TAP1: variants seen among roughly 807,000 people sequenced by gnomAD.
TAP1 encodes the protein antigen peptide transporter 1.
Under a neutral mutation model 79.3 loss-of-function variants are expected in TAP1, and 56 were observed. The ratio of observed to expected loss-of-function variants is 0.71; its 90% confidence interval spans 0.57 to 0.88. The LOEUF (loss-of-function observed/expected upper bound fraction) is 0.88. TAP1 is among the 40% of genes least tolerant of loss of function. The pLI, the probability that TAP1 is intolerant of heterozygous loss-of-function variation, is 0.00. For missense variants in TAP1, 737 were observed against 936.3 expected (o/e 0.79, Z 2.78); for synonymous variants, 355 against 401.4 (o/e 0.88, Z 1.38).
Position 32,848,692 on chromosome 6 carries a change from G to A in TAP1, c.1526C>T (p.Ser509Phe). The A allele has an allele frequency of 6.2e-7, 1 of 1,614,148 alleles. No homozygotes were observed. The highest frequency in any genetic ancestry group is 1.1e-5 in the South Asian group (1 of 91,082). ...ATCTGGGCGGTTTGGGTAGGCAAAGGAGACATCTTGGAACTGGACAAGGCC... is the reference window on the plus strand; with the variant it reads ...ATCTGGGCGGTTTGGGTAGGCAAAGAAGACATCTTGGAACTGGACAAGGCC... Reference protein sequence around the residue: ...LEGLVQFQDVSFAYPNRPDVL... With the variant: ...LEGLVQFQDVFFAYPNRPDVL... The change falls in exon 7 of 11, where the codon TCC (serine) becomes TTC (phenylalanine). Residue 509 changes from serine (S) to phenylalanine (F), a missense_variant. Ser to Phe is a radical substitution (Grantham distance 155). This residue lies in a region of TAP1 where 266 missense variants were observed against 332.4 expected (regional missense o/e 0.80). Transcript: ENST00000354258.
rs754955681 is a variant in TAP1, at chr6:32,850,969, G to T, written c.1025C>A (p.Pro342His). Residue 342 changes from proline (P) to histidine (H), a missense_variant, in exon 4 of 11, where the codon CCC (proline) becomes CAC (histidine). This residue lies in a region of TAP1 where 406 missense variants were observed against 477.2 expected (regional missense o/e 0.85). Transcript: ENST00000354258. This position sits in a 1 kb window ranked among gnomAD's most constrained non-coding sequence, Gnocchi z 5.5. ...LITLPLLFLL[P>H]KKVGKWYQLL... ...CTGGTACCATTTTCCCACCTTCTTG[G>T]GCAGAAGGAAAAGCAGAGGCAGGGT... is the stretch of plus-strand genomic sequence containing the variant. 1 of 1,612,780 alleles carries T rather than the reference G, an allele frequency of 6.2e-7. No individual in the cohort carries two copies. The highest frequency in any genetic ancestry group is 8.5e-7 in the Non-Finnish European group (1 of 1,180,008).
Position 32,850,274 on chromosome 6 carries a change from G to C in TAP1, c.1248+46C>G. 1 of 1,585,878 alleles carries C rather than the reference G, an allele frequency of 6.3e-7. No individual in the cohort carries two copies. Among genetic ancestry groups the C allele is most frequent in the Non-Finnish European group, 8.7e-7 (1 of 1,154,286 alleles). ...GTCATAGGAATGGGAATGGAGTCAC[G>C]GCATCTTAAGGACAAGGGAATGGGT... On this transcript the variant is annotated intron_variant, in intron 5 of 10. Transcript: ENST00000354258. The surrounding 1 kb of genome is among the most constrained non-coding windows in gnomAD (Gnocchi z 5.5).
rs1770862232 is a variant in TAP1 at position 32,852,633 on chromosome 6, C to A, written c.599-131G>T. Reference sequence around the variant, plus strand: ...GGCATCAGCAGAAAGGAAACACTGACGTCTCAATCCCGAACCTAAATAGGC... The same window carrying A: ...GGCATCAGCAGAAAGGAAACACTGAAGTCTCAATCCCGAACCTAAATAGGC... On this transcript the variant is annotated intron_variant, in intron 1 of 10. Transcript: ENST00000354258. The surrounding 1 kb of genome is among the most constrained non-coding windows in gnomAD (Gnocchi z 4.8). The A allele has an allele frequency of 1.3e-6, 2 of 1,541,502 alleles. No individual in the cohort carries two copies. Among genetic ancestry groups the A allele is most frequent in the Admixed American group, 2.0e-5 (1 of 50,814 alleles).
In TAP1 at chr6:32,851,016, G is replaced by A. The variant is rs1770748055; in HGVS notation, c.978C>T (p.Ser326=). 1 of 1,612,928 alleles carries A rather than the reference G, an allele frequency of 6.2e-7. No homozygotes were observed. Among genetic ancestry groups the A allele is most frequent in the Non-Finnish European group, 8.5e-7 (1 of 1,179,984 alleles). The part of the protein sequence containing the change: ...LLGIMLWGSV[S]LTMVTLITLP... ...GGGTGATCAGGGTGACCATGGTGAGGGACACTGATCCCCAGAGCATGATCC... is the reference window on the plus strand; with the variant it reads ...GGGTGATCAGGGTGACCATGGTGAGAGACACTGATCCCCAGAGCATGATCC... Residue 326 remains serine (S), a synonymous_variant, in exon 4 of 11, where the codon TCC becomes TCT. Transcript: ENST00000354258. This position sits in a 1 kb window ranked among gnomAD's most constrained non-coding sequence, Gnocchi z 4.8.
At chr6:32,849,140 AG>A in intron 5 of TAP1, 22 bp from the exon 6 acceptor site, 1 of 1,565,560 alleles carries the variant, frequency 6.4e-7, no homozygotes, top group East Asian at 2.3e-5. Context: ...CCACAAAAAA[AG>A]GGACTGAGGT....
intron 6 of TAP1, 21 bp from the exon 7 acceptor site, chr6:32,848,861 T>C (rs775441996): frequency 6.2e-7 from 1 of 1,613,394 alleles, no homozygotes; most frequent in East Asian, 2.2e-5. Flanking sequence ...GTAAGAATAG[T>C]GAAAGTGAGG....
Position 32,850,870 on chromosome 6 carries a change from A to G in TAP1, c.1050+74T>C. On this transcript the variant is annotated intron_variant, in intron 4 of 10. Transcript: ENST00000354258. This position sits in a 1 kb window ranked among gnomAD's most constrained non-coding sequence, Gnocchi z 5.5. ...TGCCAGGAAAGCTGGACTGAAAGCA[A>G]TGTGAGAGGAACTGAGTCTGCCAAG... 7 of 1,333,446 alleles carry G rather than the reference A, an allele frequency of 5.2e-6. No homozygotes were observed. The highest frequency in any genetic ancestry group is 6.5e-6 in the Non-Finnish European group (6 of 927,026). 82.6% of individuals were successfully genotyped at this position (1,333,446 alleles called of 1,614,324 possible). A position where few individuals can be genotyped will look rare whatever the true frequency, so the allele number is the denominator to read the frequency against.
chr6:32,852,453 T>C lies in TAP1; in HGVS notation c.648A>G (p.Leu216=). Residue 216 remains leucine, a synonymous_variant, in exon 2 of 11, where the codon CTA becomes CTG. Transcript: ENST00000354258. This position sits in a 1 kb window ranked among gnomAD's most constrained non-coding sequence, Gnocchi z 4.8. ...TGAAGGTATCGGCTGAGCCATCTTGTAGAATCCAGTCAGTGAGGCGGCCCG... is the reference window on the plus strand; with the variant it reads ...TGAAGGTATCGGCTGAGCCATCTTGCAGAATCCAGTCAGTGAGGCGGCCCG... ...FFTGRLTDWI[L]QDGSADTFTR... is the part of the protein sequence containing the mutation. The C allele has an allele frequency of 1.2e-6, 2 of 1,612,990 alleles. No individual in the cohort carries two copies. The highest frequency in any genetic ancestry group is 1.1e-5 in the South Asian group (1 of 91,078).
chr6:32,849,175 A>G, intron 5 of TAP1, 57 bp from the exon 6 acceptor site: 1 of 1,551,704 alleles, frequency 6.4e-7, no homozygotes, highest in East Asian at 2.4e-5. Flanking sequence ...GGGGACACAA[A>G]GAACCGCAGT....
chr6:32,848,914 A>G, intron 6 of TAP1, 74 bp from the exon 7 acceptor site: 1 of 1,612,718 alleles, frequency 6.2e-7, no homozygotes, highest in Non-Finnish European at 8.5e-7. Flanking sequence ...AGGGTAAAGA[A>G]TGGAAGGACA....
intron 7 of TAP1, 57 bp from the exon 8 acceptor site, chr6:32,848,149 G>T: frequency 6.5e-7 from 1 of 1,547,266 alleles, no homozygotes; most frequent in South Asian, 1.2e-5. Context: ...CCTTGAGAGT[G>T]TCATTGCCTT....
In TAP1 at chr6:32,851,487, G is replaced by A. The variant is rs1770773935; in HGVS notation, c.845-338C>T. Among the ~76,000 whole-genome samples, 1 of 152,198 alleles carries A rather than the reference G, an allele frequency of 6.6e-6. No homozygotes were observed. The highest frequency in any genetic ancestry group is 2.1e-4 in the South Asian group (1 of 4,834). The stretch of plus-strand genomic sequence containing the variant: ...TTAAACTGGTCACATAACAGAGATG[G>A]AGGAGGAGGGTGCTGCTAGGAAGCA... On this transcript the variant is annotated intron_variant, in intron 3 of 10. Transcript: ENST00000354258. The surrounding 1 kb of genome is among the most constrained non-coding windows in gnomAD (Gnocchi z 4.8).
Position 32,851,233 on chromosome 6 carries a change from G to T in TAP1, c.845-84C>A. 1 of 1,361,710 alleles carries T rather than the reference G, an allele frequency of 7.3e-7. No individual in the cohort carries two copies. Among genetic ancestry groups the T allele is most frequent in the Non-Finnish European group, 1.0e-6 (1 of 971,106 alleles). 84.4% of individuals were successfully genotyped at this position (1,361,710 alleles called of 1,614,324 possible). ...AACTAACAATGAGCCAGGATGCCAG[G>T]GTCAGGGGTGTCAACATGGGGTTCT... On this transcript the variant is annotated intron_variant, in intron 3 of 10. Coordinates refer to ENST00000354258, the MANE Select transcript of TAP1 (RefSeq NM_000593.6). The surrounding 1 kb of genome is among the most constrained non-coding windows in gnomAD (Gnocchi z 4.8).
chr6:32,847,145 G>T lies in TAP1; in HGVS notation c.1963C>A (p.Arg655=), dbSNP rs375324960. The change falls in exon 10 of 11, where the codon CGA becomes AGA. Residue 655 remains arginine, a synonymous_variant. Transcript: ENST00000354258. The surrounding 1 kb of genome is among the most constrained non-coding windows in gnomAD (Gnocchi z 4.7). ...GGQRQAVALA[R]ALIRKPCVLI... ...ACACACGGTTTCCGGATCAATGCTCGGGCCAACGCCACTGCCTGTCGCTGA... is the reference window on the plus strand; with the variant it reads ...ACACACGGTTTCCGGATCAATGCTCTGGCCAACGCCACTGCCTGTCGCTGA... 6.2e-7 allele frequency: 1 copy of T among 1,612,836 alleles called. No homozygotes were observed. Among genetic ancestry groups the T allele is most frequent in the African/African-American group, 1.3e-5 (1 of 75,044 alleles).
In TAP1 at chr6:32,845,459, C is replaced by T. The variant is rs1770301887; in HGVS notation, c.*120G>A. On this transcript the variant is annotated 3_prime_UTR_variant, in exon 11 of 11. Coordinates refer to ENST00000354258, the MANE Select transcript of TAP1 (RefSeq NM_000593.6). This position sits in a 1 kb window ranked among gnomAD's most constrained non-coding sequence, Gnocchi z 4.5. Reference sequence around the variant, plus strand: ...CGAGGAGCTTGGAAAGGAGGTAACACACTCAAGGCAAATTTCAAGTAACTC... The same window carrying T: ...CGAGGAGCTTGGAAAGGAGGTAACATACTCAAGGCAAATTTCAAGTAACTC... 2 of 1,029,668 alleles carry T rather than the reference C, an allele frequency of 1.9e-6. No individual in the cohort carries two copies. Among genetic ancestry groups the T allele is most frequent in the Non-Finnish European group, 3.0e-6 (2 of 670,950 alleles). The allele number at this position is 1,029,668 out of a possible 1,614,324, so 63.8% of individuals were successfully genotyped here.
In TAP1 at chr6:32,848,700, T is replaced by C. The variant is rs577064548; in HGVS notation, c.1518A>G (p.Gln506=). Residue 506 remains glutamine (Q), a synonymous_variant, in exon 7 of 11, where the codon CAA becomes CAG. Coordinates refer to ENST00000354258, the MANE Select transcript of TAP1 (RefSeq NM_000593.6). ...GGTTTGGGTAGGCAAAGGAGACATC[T>C]TGGAACTGGACAAGGCCCTCCAAGT... ...PLHLEGLVQF[Q]DVSFAYPNRP... is the part of the protein sequence containing the mutation. 7 of 1,614,080 alleles carry C rather than the reference T, an allele frequency of 4.3e-6. No individual in the cohort carries two copies. Among genetic ancestry groups the C allele is most frequent in the South Asian group, 2.2e-5 (2 of 91,078 alleles).
In TAP1 at chr6:32,853,202, T is replaced by G. The variant is rs372803896; in HGVS notation, c.435A>C (p.Ala145=). ...ACAGGGCTGCTGCGGGCAGTGCCGC[T>G]GCATAACTGACAACGAAGGCGGTAG... ...SHPTAFVVSY[A]AALPAAALWH... The change falls in exon 1 of 11, where the codon GCA becomes GCC. Residue 145 remains alanine, a synonymous_variant. Transcript: ENST00000354258. This position sits in a 1 kb window ranked among gnomAD's most constrained non-coding sequence, Gnocchi z 8.3. 3 of 1,612,066 alleles carry G rather than the reference T, an allele frequency of 1.9e-6. No individual in the cohort carries two copies. The highest frequency in any genetic ancestry group is 2.5e-6 in the Non-Finnish European group (3 of 1,179,690).
In TAP1 at chr6:32,847,432, G is replaced by T; in HGVS notation, c.1903+81C>A. ...CAAATTGATGTCCATGAGTAAGGAG[G>T]AACTGAAGGATAAAGGCAAGACTAC... On this transcript the variant is annotated intron_variant, in intron 9 of 10. Coordinates refer to ENST00000354258, the MANE Select transcript of TAP1 (RefSeq NM_000593.6). The surrounding 1 kb of genome is among the most constrained non-coding windows in gnomAD (Gnocchi z 4.7). 6.3e-7 allele frequency: 1 copy of T among 1,590,560 alleles called. No individual in the cohort carries two copies. The highest frequency in any genetic ancestry group is 8.6e-7 in the Non-Finnish European group (1 of 1,160,232).
Position 32,848,638 on chromosome 6 carries a change from G to T in TAP1, c.1566+14C>A. ...AGTTGGGGCCAGTGGAATACAGGGA[G>T]TGGTAGGTTGTACCTGTAGCACTAA... On this transcript the variant is annotated intron_variant, in intron 7 of 10. Transcript: ENST00000354258. 6.2e-7 allele frequency: 1 copy of T among 1,613,440 alleles called. No individual in the cohort carries two copies. Among genetic ancestry groups the T allele is most frequent in the Non-Finnish European group, 8.5e-7 (1 of 1,179,742 alleles).
Sources: allele counts gnomAD v4.1 joint callset (sites outside exome capture counted in the v4.1 genomes callset), GRCh38; gene constraint gnomAD v4.1.1; regional missense constraint gnomAD v4.1.1; non-coding constraint Gnocchi (gnomAD v3.1); transcripts MANE v1.5; gene names NCBI Gene and HGNC (gene_info 2026-07-23, HGNC 2026-07-21).